Variants in MYO1F observed in about 807,000 individuals in gnomAD.
MYO1F encodes the protein unconventional myosin-If.
A neutral mutation model predicts 146.6 loss-of-function variants in MYO1F; 60 were observed. The observed-to-expected ratio is 0.41, with a 90% CI of 0.33 to 0.51. The LOEUF (loss-of-function observed/expected upper bound fraction) is 0.51, where lower values mean the gene tolerates loss of function less well. Ranked by LOEUF, MYO1F falls within the 20% of genes least tolerant of loss-of-function variation. The probability of loss-of-function intolerance (pLI) is 0.25; values close to 1 mark genes in which losing one functional copy is unlikely to be tolerated. For synonymous variants in MYO1F, 602 were observed against 602.1 expected (o/e 1.00, Z 0.00); for missense variants, 1,274 against 1,534.3 (o/e 0.83, Z 2.83).
chr19:8,559,527 A>C (rs1327184041), intron 1 of MYO1F, among the ~76,000 whole-genome samples: 4 of 152,026 alleles, frequency 2.6e-5, no homozygotes, highest in Non-Finnish European at 5.9e-5. Context: ...AAAAAGGAAG[A>C]GGCAGCTCCA....
At chr19:8,540,841 GCA>G (rs1484183509) in intron 15 of MYO1F, among the ~76,000 whole-genome samples, 11 of 152,228 alleles carry the variant, frequency 7.2e-5, no homozygotes, top group African/African-American at 2.6e-4. Flanking sequence ...ACCCTTACGT[GCA>G]CATGGATCCC....
chr19:8,576,567 G>A (rs1373966576), intron 1 of MYO1F: 6 of 155,200 alleles, frequency 3.9e-5, no homozygotes, highest in South Asian at 1.9e-4. Context: ...TAGGAATAGC[G>A]CCATGATCAC....
intron 24 of MYO1F, 80 bp downstream of exon 24, chr19:8,526,373 A>G: frequency 1.3e-6 from 2 of 1,522,442 alleles, no homozygotes; most frequent in Non-Finnish European, 1.8e-6. Context: ...CTCTGTAGAC[A>G]CTCCCCTTCC....
intron 15 of MYO1F, 43 bp from the exon 16 acceptor site, chr19:8,540,071 A>G (rs761411388): frequency 6.6e-7 from 1 of 1,512,934 alleles, no homozygotes; most frequent in Non-Finnish European, 9.1e-7. Context: ...GTATGGCTAG[A>G]CTTTCGGGTA....
intron 1 of MYO1F, among the ~76,000 whole-genome samples, chr19:8,567,557 G>A (rs1220110726): frequency 1.3e-5 from 2 of 152,078 alleles, no homozygotes; most frequent in East Asian, 1.9e-4. Flanking sequence ...AGGTTTTACC[G>A]CGTTGGGCAC....
chr19:8,522,979 C>T (rs746383576), intron 25 of MYO1F, 150 bp from the exon 26 acceptor site: 111 of 658,482 alleles, frequency 1.7e-4, no homozygotes, highest in Non-Finnish European at 2.4e-4. Flanking sequence ...GGGACTCTGC[C>T]GCTAGGAGGG....
intron 6 of MYO1F, 131 bp from the exon 7 acceptor site, chr19:8,552,295 G>C (rs987458250): frequency 6.6e-5 from 67 of 1,017,382 alleles, no homozygotes; most frequent in Non-Finnish European, 4.5e-6. Context: ...ATCTGACTCT[G>C]TTGCTCAGGC....
chr19:8,565,723 G>A (rs1162599229), intron 1 of MYO1F, among the ~76,000 whole-genome samples: 2 of 151,882 alleles, frequency 1.3e-5, no homozygotes, highest in Non-Finnish European at 2.9e-5. Context: ...GACACGGGAA[G>A]TGCATTTTGT....
In MYO1F at chr19:8,552,132, A is replaced by C; in HGVS notation, c.537T>G (p.Gly179=). 6.2e-7 allele frequency: 1 copy of C among 1,613,986 alleles called. No homozygotes were observed. Among genetic ancestry groups the C allele is most frequent in the Non-Finnish European group, 8.5e-7 (1 of 1,179,994 alleles). Reference sequence around the variant, plus strand: ...AGATCTTGCCCCCATCTGGCTCCCCACCTCGGCTGAACTGGATCTCAAAGT... The same window carrying C: ...AGATCTTGCCCCCATCTGGCTCCCCCCCTCGGCTGAACTGGATCTCAAAGT... The part of the protein sequence containing the change: ...GKYFEIQFSR[G]GEPDGGKISN... Residue 179 remains glycine, a synonymous_variant, in exon 7 of 28, where the codon GGT becomes GGG. Coordinates refer to ENST00000644032, the MANE Select transcript of MYO1F (RefSeq NM_012335.4).
chr19:8,563,226 C>CA (rs1025958434), intron 1 of MYO1F, among the ~76,000 whole-genome samples: 1 of 151,234 alleles, frequency 6.6e-6, no homozygotes, highest in African/African-American at 2.4e-5. Context: ...CTCCTGACCT[C>CA]AGGTGATCCA....
In MYO1F at chr19:8,545,746, A is replaced by T; in HGVS notation, c.1270-10T>A. On this transcript the variant is annotated splice_polypyrimidine_tract_variant and intron_variant, in intron 12 of 27. Coordinates refer to ENST00000644032, the MANE Select transcript of MYO1F (RefSeq NM_012335.4). ...CCTGCACATACTCCTCCTGGGGTGGAAAAGGGGGTGGATGTGGGGGCCAGT... is the reference window on the plus strand; with the variant it reads ...CCTGCACATACTCCTCCTGGGGTGGTAAAGGGGGTGGATGTGGGGGCCAGT... 6.2e-7 allele frequency: 1 copy of T among 1,608,918 alleles called. No homozygotes were observed. Among genetic ancestry groups the T allele is most frequent in the Non-Finnish European group, 8.5e-7 (1 of 1,175,406 alleles).
chr19:8,545,083 A>G (rs576551891), intron 13 of MYO1F, among the ~76,000 whole-genome samples: 1 of 151,298 alleles, frequency 6.6e-6, no homozygotes, highest in East Asian at 1.9e-4. Context: ...CCGCCTAAAT[A>G]CGTCTTAAAT....
chr19:8,556,422 G>A (rs368914147), intron 1 of MYO1F, among the ~76,000 whole-genome samples: 11 of 149,332 alleles, frequency 7.4e-5, no homozygotes, highest in African/African-American at 1.5e-4. Context: ...CAGGAGGATC[G>A]CTTGAGGCCA....
At chr19:8,554,374 G>T in intron 4 of MYO1F, 103 bp downstream of exon 4, 1 of 916,644 alleles carries the variant, frequency 1.1e-6, no homozygotes, top group Non-Finnish European at 1.8e-6. Context: ...GGACAGCAGG[G>T]CAATGTTCAG....
rs199804599 is a variant in MYO1F at position 8,550,182 on chromosome 19, C to T, written c.1079G>A (p.Arg360His). The change falls in exon 10 of 28, where the codon CGC (arginine) becomes CAC (histidine). Residue 360 changes from arginine to histidine, a missense_variant. Around this residue, in one of 2 missense-constraint regions of MYO1F, gnomAD observed 900 missense variants for 1,155.1 expected, o/e 0.78. Coordinates refer to ENST00000644032, the MANE Select transcript of MYO1F (RefSeq NM_012335.4). ...CGCCTCCACGAGGAAGTCGAAGAGG[C>T]GGGCATAGAGCCCCTTGGCCAGGGC... ...RDALAKGLYA[R>H]LFDFLVEAIN... 4.5e-5 allele frequency: 73 copies of T among 1,614,116 alleles called. No individual in the cohort carries two copies. The highest frequency in any genetic ancestry group is 3.4e-4 in the South Asian group (31 of 91,086).
intron 8 of MYO1F, 104 bp from the exon 9 acceptor site, chr19:8,550,798 C>A: frequency 6.6e-7 from 1 of 1,505,784 alleles, no homozygotes; most frequent in Admixed American, 1.7e-5. Context: ...GAGTGAGCAC[C>A]CTTGGGTCCC....
chr19:8,553,924 G>A (rs7256582), intron 4 of MYO1F, among the ~76,000 whole-genome samples: 11 of 67,098 alleles, frequency 1.6e-4, no homozygotes, highest in Non-Finnish European at 3.4e-4. Context: ...TCTCTCTCTC[G>A]CTCTCTTTCT....
intron 1 of MYO1F, among the ~76,000 whole-genome samples, chr19:8,568,330 G>A (rs1490265546): frequency 6.6e-6 from 1 of 150,690 alleles, no homozygotes; most frequent in Non-Finnish European, 1.5e-5. Context: ...GGCTGAGGCA[G>A]GAGAATGGCG....
intron 19 of MYO1F, among the ~76,000 whole-genome samples, chr19:8,532,721 AC>A (rs1432094459): frequency 6.6e-6 from 1 of 152,000 alleles, no homozygotes; most frequent in Non-Finnish European, 1.5e-5. Flanking sequence ...CCCCGTCTCT[AC>A]AAAAACTAAG....
Sources: allele counts gnomAD v4.1 joint callset (sites outside exome capture counted in the v4.1 genomes callset), GRCh38; gene constraint gnomAD v4.1.1; regional missense constraint gnomAD v4.1.1; transcripts MANE v1.5; gene names NCBI Gene and HGNC (gene_info 2026-07-23, HGNC 2026-07-21).